UTP20: variants seen among roughly 807,000 people sequenced by gnomAD.
The protein encoded by UTP20 is UTP20 small subunit processome component.
UTP20 carries 164 observed loss-of-function variants against 329.5 expected under a neutral mutation model. That is an observed-to-expected ratio of 0.50 (90% CI 0.44 to 0.57). The LOEUF is 0.57. Among genes scored for constraint, UTP20 ranks in the 20% least tolerant of loss-of-function variants. UTP20 has a pLI of 0.00. For missense variants in UTP20, 3,055 were observed against 3,284.2 expected (o/e 0.93, Z 1.71); for synonymous variants, 1,151 against 1,159.3 (o/e 0.99, Z 0.14).
intron 45 of UTP20, among the ~76,000 whole-genome samples, chr12:101,365,072 T>TTGTGTGTGTGTG (rs60890980): frequency 0.046 from 6,494 of 141,882 alleles, 436 homozygotes; most frequent in African/African-American, 0.14. Flanking sequence ...ATTTTGTTGA[T>TTGTGTGTGTGTG]TGTGTGTGTG....
At chr12:101,307,408 ACT>A (rs1872670476) in intron 17 of UTP20, among the ~76,000 whole-genome samples, 1 of 151,054 alleles carries the variant, frequency 6.6e-6, no homozygotes, top group African/African-American at 2.4e-5. Context: ...ACGGGGTCTC[ACT>A]CTGTCACCTA....
At chr12:101,308,447 A>G in intron 18 of UTP20, 104 bp downstream of exon 18, 2 of 664,896 alleles carry the variant, frequency 3.0e-6, no homozygotes, top group Non-Finnish European at 3.9e-6. Flanking sequence ...AATAATAATA[A>G]TAATTTAAAA....
intron 45 of UTP20, 125 bp from the exon 46 acceptor site, chr12:101,365,334 G>A: frequency 1.6e-6 from 1 of 643,306 alleles, no homozygotes; most frequent in South Asian, 2.3e-5. Flanking sequence ...TATTAAGAAT[G>A]CTTTTTAATT....
At chr12:101,341,825 A>G (rs1869149208) in intron 32 of UTP20, among the ~76,000 whole-genome samples, 1 of 152,140 alleles carries the variant, frequency 6.6e-6, no homozygotes, top group Admixed American at 6.6e-5. Context: ...GAATCGCTTG[A>G]ACCCAGGAGG....
At chr12:101,329,217 C>A in intron 26 of UTP20, 24 bp from the exon 27 acceptor site, 1 of 1,599,530 alleles carries the variant, frequency 6.3e-7, no homozygotes, top group Non-Finnish European at 8.6e-7. Flanking sequence ...CTTACATGAC[C>A]TCTCGTCCTC....
intron 57 of UTP20, among the ~76,000 whole-genome samples, chr12:101,380,320 A>G (rs945819854): frequency 3.9e-5 from 6 of 152,062 alleles, no homozygotes; most frequent in Admixed American, 3.9e-4. Context: ...TCAAGGTTAC[A>G]GTGGGCTGTG....
chr12:101,357,841 C>T (rs950987158), intron 43 of UTP20, among the ~76,000 whole-genome samples: 1 of 152,128 alleles, frequency 6.6e-6, no homozygotes, highest in Non-Finnish European at 1.5e-5. Flanking sequence ...AAGCATGGCA[C>T]CTGGACAGAC....
Position 101,306,052 on chromosome 12 carries a change from C to T in UTP20, c.1919C>T (p.Thr640Ile), listed in dbSNP as rs1167023929. The stretch of plus-strand genomic sequence containing the variant: ...CCCAAGTTACAAGCAAACATTTCAA[C>T]TGGTGTATCCAAGGTAATGGTGTTT... Reference protein sequence around the residue: ...LFPKLQANISTGVSKIRLLTI... With the variant: ...LFPKLQANISIGVSKIRLLTI... Residue 640 changes from threonine (T) to isoleucine (I), a missense_variant, in exon 16 of 62, where the codon ACT (threonine) becomes ATT (isoleucine). Physicochemically the swap from Thr to Ile is moderately conservative, Grantham distance 89. Coordinates refer to ENST00000261637, the MANE Select transcript of UTP20 (RefSeq NM_014503.3). 6.2e-7 allele frequency: 1 copy of T among 1,612,666 alleles called. No individual in the cohort carries two copies. The highest frequency in any genetic ancestry group is 1.7e-5 in the Admixed American group (1 of 59,892).
rs746323616 is a variant in UTP20, at chr12:101,309,787, A to G, written c.2179A>G (p.Met727Val). 2.0e-5 allele frequency: 33 copies of G among 1,613,646 alleles called. No individual in the cohort carries two copies. The highest frequency in any genetic ancestry group is 2.7e-5 in the Non-Finnish European group (32 of 1,179,976). Residue 727 changes from methionine (M) to valine (V), a missense_variant, in exon 19 of 62, where the codon ATG becomes GTG. This residue lies in a region of UTP20 where 2,445 missense variants were observed against 2,575.5 expected (regional missense o/e 0.95). Coordinates refer to ENST00000261637, the MANE Select transcript of UTP20 (RefSeq NM_014503.3). ...QEVPLRYLLGMLYINFSALWD... is the reference protein window; with the variant it reads ...QEVPLRYLLGVLYINFSALWD... Reference sequence around the variant, plus strand: ...GGTGCCGCTTCGTTATTTGTTAGGCATGCTATATATTAATTTCAGTGCACT... The same window carrying G: ...GGTGCCGCTTCGTTATTTGTTAGGCGTGCTATATATTAATTTCAGTGCACT...
chr12:101,362,102 G>A (rs1252373677), intron 44 of UTP20, 42 bp downstream of exon 44: 3 of 1,416,238 alleles, frequency 2.1e-6, no homozygotes, highest in Non-Finnish European at 3.0e-6. Flanking sequence ...TTTTAAGTGG[G>A]CCAACGACAC....
intron 57 of UTP20, among the ~76,000 whole-genome samples, chr12:101,380,283 T>C (rs1373092381): frequency 6.6e-6 from 1 of 151,866 alleles, no homozygotes; most frequent in Non-Finnish European, 1.5e-5. Context: ...GAGACTTACA[T>C]AGGGGGATCA....
chr12:101,290,866 G>A lies in UTP20; in HGVS notation c.869G>A (p.Gly290Asp), dbSNP rs1259244073. The change falls in exon 8 of 62, where the codon GGT (glycine) becomes GAT (aspartate). Residue 290 changes from glycine to aspartate, a missense_variant. Transcript: ENST00000261637. ...TCCTACATCTCCAAGGAACATTTTG[G>A]TACATTTTTTGAATGTTTGCAAGTG... ...TVSYISKEHFGTFFECLQESL... is the reference protein window; with the variant it reads ...TVSYISKEHFDTFFECLQESL... The A allele has an allele frequency of 1.2e-6, 2 of 1,612,416 alleles. No homozygotes were observed. The highest frequency in any genetic ancestry group is 1.7e-6 in the Non-Finnish European group (2 of 1,179,522).
chr12:101,380,967 A>C (rs1424482828), intron 57 of UTP20, among the ~76,000 whole-genome samples, 173 bp from the exon 58 acceptor site: 2 of 152,050 alleles, frequency 1.3e-5, no homozygotes, highest in African/African-American at 2.4e-5. Context: ...GGCAGGTAGA[A>C]GGGAGCAGTA....
chr12:101,373,497 G>A (rs192405280), intron 53 of UTP20, 27 bp downstream of exon 53: 27 of 1,613,906 alleles, frequency 1.7e-5, no homozygotes, highest in East Asian at 8.9e-5. Context: ...GATAAGCCCC[G>A]TGACTCCTGG....
chr12:101,330,342 G>A (rs1868718891), intron 27 of UTP20, among the ~76,000 whole-genome samples: 1 of 152,182 alleles, frequency 6.6e-6, no homozygotes, highest in Non-Finnish European at 1.5e-5. Context: ...GGTGGCTAGA[G>A]CACCAGGAGC....
rs1466227031 is a variant in UTP20 at position 101,366,665 on chromosome 12, C to A, written c.6233C>A (p.Thr2078Asn). 6.2e-7 allele frequency: 1 copy of A among 1,614,012 alleles called. No individual in the cohort carries two copies. The highest frequency in any genetic ancestry group is 1.3e-5 in the African/African-American group (1 of 74,928). Residue 2078 changes from threonine (T) to asparagine (N), a missense_variant, in exon 47 of 62, where the codon ACC becomes AAC. Physicochemically the swap from Thr to Asn is moderately conservative, Grantham distance 65. Coordinates refer to ENST00000261637, the MANE Select transcript of UTP20 (RefSeq NM_014503.3). ...GGQKAVVSRK[T>N]NMHIFIESGL... ...CAGAAAGCTGTTGTGAGCAGGAAAA[C>A]CAACATGCACATATTTATTGAGTCC...
rs1429873278 is a variant in UTP20, at chr12:101,286,252, C to G, written c.327-69C>G. The G allele has an allele frequency of 4.3e-6, 6 of 1,379,428 alleles. No individual in the cohort carries two copies. In the East Asian group the frequency reaches 1.4e-4, roughly 32 times the overall value. 85.4% of individuals were successfully genotyped at this position (1,379,428 alleles called of 1,614,324 possible). On this transcript the variant is annotated intron_variant, in intron 4 of 61. Coordinates refer to ENST00000261637, the MANE Select transcript of UTP20 (RefSeq NM_014503.3). ...TAATCCTATGATCATAGGCCACCTA[C>G]TATCGTTAAGTAGATTTGTAGCCTT...
intron 21 of UTP20, 97 bp downstream of exon 21, chr12:101,312,373 T>C: frequency 6.7e-7 from 1 of 1,495,528 alleles, no homozygotes; most frequent in Non-Finnish European, 8.9e-7. Flanking sequence ...CTTTGTTTTT[T>C]GCCTTCTTTC....
chr12:101,320,976 G>C, intron 24 of UTP20, 39 bp downstream of exon 24: 1 of 1,544,694 alleles, frequency 6.5e-7, no homozygotes. Context: ...TATTTCTTCA[G>C]CTGATTTTTA....
Sources: allele counts gnomAD v4.1 joint callset (sites outside exome capture counted in the v4.1 genomes callset), GRCh38; gene constraint gnomAD v4.1.1; regional missense constraint gnomAD v4.1.1; transcripts MANE v1.5; gene names NCBI Gene and HGNC (gene_info 2026-07-23, HGNC 2026-07-21).